The following SNTB1 variants were observed in gnomAD, a reference collection of about 807,000 sequenced individuals.
SNTB1 encodes beta-1-syntrophin.
A neutral mutation model predicts 48.9 loss-of-function variants in SNTB1; 36 were observed. The ratio of observed to expected loss-of-function variants is 0.74; its 90% CI spans 0.56 to 0.97. SNTB1 has a LOEUF of 0.97. Ranked by LOEUF, SNTB1 falls within the 50% of genes least tolerant of loss-of-function variation. The pLI is 0.00. For synonymous variants in SNTB1, 299 were observed against 294.6 expected, an observed-to-expected ratio of 1.01 and a Z score of -0.15; for missense variants, 786 against 703.4, an observed-to-expected ratio of 1.12 and a Z score of -1.33.
intron 3 of SNTB1, among the ~76,000 whole-genome samples, chr8:120,584,987 A>G (rs771224937): frequency 6.6e-6 from 1 of 152,142 alleles, no homozygotes; most frequent in Non-Finnish European, 1.5e-5. Flanking sequence ...TTATGTCGTC[A>G]GAAGGAACCA....
intron 2 of SNTB1, among the ~76,000 whole-genome samples, chr8:120,635,101 T>G (rs1183224799): frequency 6.6e-6 from 1 of 152,060 alleles, no homozygotes; most frequent in Non-Finnish European, 1.5e-5. Context: ...AAAGCCAGTC[T>G]CCCCAATAAG....
At chr8:120,697,773 G>T (rs1418924559) in intron 1 of SNTB1, among the ~76,000 whole-genome samples, 1 of 152,198 alleles carries the variant, frequency 6.6e-6, no homozygotes, top group Non-Finnish European at 1.5e-5. Flanking sequence ...TATGTTTACA[G>T]AGACAAATGA....
intron 2 of SNTB1, among the ~76,000 whole-genome samples, chr8:120,691,672 G>T (rs1818129414): frequency 6.6e-6 from 1 of 152,048 alleles, no homozygotes; most frequent in African/African-American, 2.4e-5. Flanking sequence ...AGCAGAAACT[G>T]GCTTTTTAAA....
chr8:120,594,168 A>T (rs1179907703), intron 3 of SNTB1, among the ~76,000 whole-genome samples: 1 of 151,706 alleles, frequency 6.6e-6, no homozygotes, highest in Non-Finnish European at 1.5e-5. Context: ...GGCTCAAGTG[A>T]TCCTCCCCCC....
intron 1 of SNTB1, among the ~76,000 whole-genome samples, chr8:120,764,203 TTCA>T (rs1436258507): frequency 2.6e-5 from 4 of 152,148 alleles, no homozygotes; most frequent in Non-Finnish European, 4.4e-5. Context: ...GTATATACAG[TTCA>T]TCAAGAGAAT....
intron 1 of SNTB1, among the ~76,000 whole-genome samples, chr8:120,732,720 C>T (rs1818872208): frequency 6.6e-6 from 1 of 152,154 alleles, no homozygotes; most frequent in Non-Finnish European, 1.5e-5. Flanking sequence ...TTGGCGCATG[C>T]CTGTAATCCC....
At chr8:120,793,858 T>C (rs1462177843) in intron 1 of SNTB1, among the ~76,000 whole-genome samples, 1 of 152,072 alleles carries the variant, frequency 6.6e-6, no homozygotes, top group Non-Finnish European at 1.5e-5. Context: ...GTTTTTGAAA[T>C]GTTCATATAT....
chr8:120,553,748 C>T (rs988608674), intron 4 of SNTB1, among the ~76,000 whole-genome samples: 1 of 152,190 alleles, frequency 6.6e-6, no homozygotes, highest in African/African-American at 2.4e-5. Flanking sequence ...CATGTAATCT[C>T]AGCACTTTGG....
intron 3 of SNTB1, among the ~76,000 whole-genome samples, chr8:120,629,810 T>G (rs4364672): frequency 0.68 from 103,772 of 151,722 alleles, 35,747 homozygotes; most frequent in East Asian, 0.76. Flanking sequence ...ATAATACCCT[T>G]AAGGAGACCT....
chr8:120,792,311 A>C (rs1041339281), intron 1 of SNTB1, among the ~76,000 whole-genome samples: 1 of 143,362 alleles, frequency 7.0e-6, no homozygotes, highest in East Asian at 2.3e-4. Flanking sequence ...ACATAAATGC[A>C]TACAGAGAGG....
At chr8:120,746,984 A>C (rs1027576765) in intron 1 of SNTB1, among the ~76,000 whole-genome samples, 1 of 152,240 alleles carries the variant, frequency 6.6e-6, no homozygotes, top group Non-Finnish European at 1.5e-5. Flanking sequence ...CATGCACAGC[A>C]ACAACTGTTG....
At chr8:120,720,381 C>T (rs1818637809) in intron 1 of SNTB1, among the ~76,000 whole-genome samples, 1 of 152,238 alleles carries the variant, frequency 6.6e-6, no homozygotes. Flanking sequence ...TCAAGTCCTC[C>T]TGACTCTCTG....
intron 3 of SNTB1, among the ~76,000 whole-genome samples, chr8:120,583,451 G>T (rs1816081024): frequency 6.6e-6 from 1 of 151,538 alleles, no homozygotes; most frequent in Middle Eastern, 3.2e-3. Flanking sequence ...GGTGGAGGTT[G>T]CAGTGAGCCA....
chr8:120,736,539 G>A (rs191154206), intron 1 of SNTB1, among the ~76,000 whole-genome samples: 1 of 152,196 alleles, frequency 6.6e-6, no homozygotes, highest in African/African-American at 2.4e-5. Context: ...AAAGCTTCAG[G>A]TGCTGGAAAT....
intron 1 of SNTB1, among the ~76,000 whole-genome samples, chr8:120,800,265 C>T (rs1820200626): frequency 6.6e-6 from 1 of 151,914 alleles, no homozygotes; most frequent in South Asian, 2.1e-4. Flanking sequence ...ATAACCTAGA[C>T]AATTAGTGAT....
At chr8:120,779,320 T>C (rs909965745) in intron 1 of SNTB1, among the ~76,000 whole-genome samples, 2 of 151,984 alleles carry the variant, frequency 1.3e-5, no homozygotes, top group Admixed American at 1.3e-4. Flanking sequence ...CTGGCCAACA[T>C]GGTGAAACCC....
intron 1 of SNTB1, among the ~76,000 whole-genome samples, chr8:120,773,071 G>GA (rs1267601211): frequency 2.6e-5 from 4 of 151,372 alleles, no homozygotes; most frequent in East Asian, 1.9e-4. Context: ...TTTAAGAACT[G>GA]AAAAAAAAGC....
intron 3 of SNTB1, among the ~76,000 whole-genome samples, chr8:120,614,650 A>C (rs910575635): frequency 6.6e-6 from 1 of 152,212 alleles, no homozygotes; most frequent in Non-Finnish European, 1.5e-5. Context: ...AGGGCTGGAC[A>C]TCAGTTTCCC....
chr8:120,636,476 A>C (rs1243402701), intron 2 of SNTB1, among the ~76,000 whole-genome samples: 1 of 129,746 alleles, frequency 7.7e-6, no homozygotes, highest in African/African-American at 2.9e-5. Context: ...CCCACCTATG[A>C]GTGAGAATAT....
Sources: gnomAD v4.1 joint callset for allele counts (sites outside exome capture counted in the v4.1 genomes callset) on GRCh38, gnomAD v4.1.1 for gene constraint, MANE v1.5 for transcripts, NCBI Gene and HGNC (gene_info 2026-07-23, HGNC 2026-07-21) for gene names.